The following HOMER1 variants were observed in gnomAD, a reference collection of about 807,000 sequenced individuals.
The protein encoded by HOMER1 is homer protein homolog 1.
A neutral mutation model predicts 48.9 loss-of-function variants in HOMER1; 3 were observed. That is an observed-to-expected ratio of 0.06 (90% CI 0.03 to 0.16). HOMER1 has a LOEUF of 0.16. Ranked by LOEUF, HOMER1 falls within the 10% of genes least tolerant of loss-of-function variation. The probability of loss-of-function intolerance (pLI) is 1.00; values close to 1 mark genes in which losing one functional copy is unlikely to be tolerated. For synonymous variants in HOMER1, 134 were observed against 146.4 expected, an observed-to-expected ratio of 0.92 and a Z score of 0.61; for missense variants, 247 against 411.4, an observed-to-expected ratio of 0.60 and a Z score of 3.46.
intron 3 of HOMER1, among the ~76,000 whole-genome samples, chr5:79,448,221 TACA>T (rs1750935507): frequency 6.6e-6 from 1 of 152,164 alleles, no homozygotes; most frequent in Non-Finnish European, 1.5e-5. Flanking sequence ...CTCCAAACAG[TACA>T]ACATCTGAAT....
intron 8 of HOMER1, among the ~76,000 whole-genome samples, chr5:79,384,693 A>G (rs1749065097): frequency 6.6e-6 from 1 of 152,204 alleles, no homozygotes; most frequent in South Asian, 2.1e-4. Context: ...AGATACAACA[A>G]AAAAAGAAAA....
At chr5:79,406,707 G>T (rs1749671191) in intron 5 of HOMER1, among the ~76,000 whole-genome samples, 2 of 152,192 alleles carry the variant, frequency 1.3e-5, no homozygotes, top group Admixed American at 1.3e-4. Flanking sequence ...TGTTATGGCT[G>T]GGGGCAAAGA....
chr5:79,502,892 G>A (rs1022999162), intron 1 of HOMER1, among the ~76,000 whole-genome samples: 7 of 152,138 alleles, frequency 4.6e-5, no homozygotes, highest in Admixed American at 1.3e-4. Flanking sequence ...CAGGGTTCAC[G>A]CCATTCTCCT....
chr5:79,506,857 T>A (rs201219489), intron 1 of HOMER1, among the ~76,000 whole-genome samples: 18,772 of 92,038 alleles, frequency 0.2, 1,303 homozygotes, highest in African/African-American at 0.37. Context: ...AACAAAAAAA[T>A]ATATATATAT....
At chr5:79,508,000 C>G (rs538764487) in intron 1 of HOMER1, among the ~76,000 whole-genome samples, 2 of 152,344 alleles carry the variant, frequency 1.3e-5, no homozygotes, top group East Asian at 3.9e-4. Flanking sequence ...CTCCCCTCCC[C>G]ACTTCGGAAC....
In HOMER1 at chr5:79,402,013, G is replaced by A; in HGVS notation, c.570C>T (p.Leu190=). ...SKHWEAELAT[L]KGNNAKLTAA... is the part of the protein sequence containing the mutation. ...CAGTGAGTTTGGCATTATTTCCTTT[G>A]AGGGTAGCCAGTTCAGCCTCCCAAT... The change falls in exon 6 of 9, where the codon CTC becomes CTT. Residue 190 remains leucine (L), a synonymous_variant. Coordinates refer to ENST00000334082, the MANE Select transcript of HOMER1 (RefSeq NM_004272.5). The A allele has an allele frequency of 1.9e-6, 3 of 1,613,918 alleles. No individual in the cohort carries two copies. The highest frequency in any genetic ancestry group is 8.5e-7 in the Non-Finnish European group (1 of 1,179,992).
Position 79,513,926 on chromosome 5 carries a change from G to GCGCCGCCTCACATTCCCCGGGCCCCGC in HOMER1, c.-1179_-1153dup, listed in dbSNP as rs961132145. The stretch of plus-strand genomic sequence containing the variant: ...CTCTCACGCTCCGCGCCGCCGCCAC[G>GCGCCGCCTCACATTCCCCGGGCCCCGC]CGCCGCCTCACATTCCCCGGGCCCC... On this transcript the variant is annotated 5_prime_UTR_variant, in exon 1 of 9. In the 5' UTR this introduces an upstream ATG that the reference lacks. Coordinates refer to ENST00000334082, the MANE Select transcript of HOMER1 (RefSeq NM_004272.5). 1.9e-5 allele frequency: 3 copies of GCGCCGCCTCACATTCCCCGGGCCCCGC among 155,420 alleles called. No homozygotes were observed. The highest frequency in any genetic ancestry group is 7.3e-5 in the African/African-American group (3 of 41,320). The allele number at this position is 155,420 out of a possible 1,614,324, so 9.6% of individuals were successfully genotyped here.
chr5:79,471,569 A>G (rs910899705), intron 1 of HOMER1, among the ~76,000 whole-genome samples: 4 of 151,494 alleles, frequency 2.6e-5, no homozygotes, highest in African/African-American at 7.3e-5. Flanking sequence ...AAAAAAAAAA[A>G]AAAAGAAAGA....
In HOMER1 at chr5:79,472,229, T is replaced by C. The variant is rs147556615; in HGVS notation, c.6-15211A>G. On this transcript the variant is annotated intron_variant, in intron 1 of 8. Coordinates refer to ENST00000334082, the MANE Select transcript of HOMER1 (RefSeq NM_004272.5). ...TATACACCAAAATGTTTAGAGTTCTTGATGGTGGAATTACAAGTGACTTAT... is the reference window on the plus strand; with the variant it reads ...TATACACCAAAATGTTTAGAGTTCTCGATGGTGGAATTACAAGTGACTTAT... Among the ~76,000 whole-genome samples, 210 of 152,310 alleles carry C rather than the reference T, an allele frequency of 1.4e-3. 1 individual carries two copies. Among genetic ancestry groups the C allele is most frequent in the African/African-American group, 4.6e-3 (191 of 41,586 alleles).
intron 1 of HOMER1, among the ~76,000 whole-genome samples, chr5:79,497,082 GGAAA>G (rs1188649365): frequency 1.5e-4 from 18 of 123,878 alleles, no homozygotes; most frequent in South Asian, 1.4e-3. Flanking sequence ...AAAAAAAAAA[GGAAA>G]GAAAGAAAGA....
chr5:79,447,455 T>C (rs967939666), intron 3 of HOMER1, among the ~76,000 whole-genome samples: 5 of 152,108 alleles, frequency 3.3e-5, no homozygotes, highest in Admixed American at 2.0e-4. Flanking sequence ...GAGACCAAGG[T>C]AGGGGAAAGA....
At chr5:79,474,217 T>C (rs1262330223) in intron 1 of HOMER1, among the ~76,000 whole-genome samples, 1 of 142,132 alleles carries the variant, frequency 7.0e-6, no homozygotes, top group African/African-American at 2.7e-5. Flanking sequence ...TTTTTTTTTT[T>C]TTTTTTTTTT....
rs536365020 is a variant in HOMER1, at chr5:79,498,228, C to G, written c.5+14542G>C. Among the ~76,000 whole-genome samples the G allele has an allele frequency of 5.9e-5, 9 of 152,182 alleles. No homozygotes were observed. The South Asian group carries it at 1.7e-3, about 28-fold the overall frequency. ...CCAGCCTGACCAACATGGAGAAACCCGTCTCTACTAAAAACACAAAATTAG... is the reference window on the plus strand; with the variant it reads ...CCAGCCTGACCAACATGGAGAAACCGGTCTCTACTAAAAACACAAAATTAG... On this transcript the variant is annotated intron_variant, in intron 1 of 8. Coordinates refer to ENST00000334082, the MANE Select transcript of HOMER1 (RefSeq NM_004272.5).
chr5:79,440,963 G>A (rs1159107116), intron 4 of HOMER1, among the ~76,000 whole-genome samples: 4 of 152,106 alleles, frequency 2.6e-5, no homozygotes, highest in African/African-American at 9.7e-5. Context: ...TTCAAGACCA[G>A]CCTGGCTGAC....
At chr5:79,394,389 A>G (rs948717904) in intron 8 of HOMER1, among the ~76,000 whole-genome samples, 39 of 152,024 alleles carry the variant, frequency 2.6e-4, no homozygotes, top group Non-Finnish European at 5.9e-5. Context: ...TGGAAAAAAT[A>G]TGTTATTTTC....
At chr5:79,467,480 A>G (rs2112318912) in intron 1 of HOMER1, among the ~76,000 whole-genome samples, 1 of 151,972 alleles carries the variant, frequency 6.6e-6, no homozygotes, top group Middle Eastern at 3.4e-3. Flanking sequence ...ATAATACTCT[A>G]AGGTACACTT....
intron 5 of HOMER1, among the ~76,000 whole-genome samples, chr5:79,421,678 T>G (rs1182856903): frequency 1.3e-5 from 2 of 151,794 alleles, no homozygotes; most frequent in African/African-American, 4.8e-5. Context: ...CAATCTTGGC[T>G]CACTGCAACC....
At chr5:79,503,221 G>A (rs989083351) in intron 1 of HOMER1, among the ~76,000 whole-genome samples, 1 of 151,890 alleles carries the variant, frequency 6.6e-6, no homozygotes, top group Non-Finnish European at 1.5e-5. Context: ...GTAAACTAGG[G>A]AAAAATAAAA....
chr5:79,456,616 C>T (rs1455254067), intron 2 of HOMER1, among the ~76,000 whole-genome samples: 1 of 152,104 alleles, frequency 6.6e-6, no homozygotes, highest in East Asian at 1.9e-4. Flanking sequence ...ATGCAATGAA[C>T]ATTAAATAAA....
Sources: allele counts gnomAD v4.1 joint callset (sites outside exome capture counted in the v4.1 genomes callset), GRCh38; gene constraint gnomAD v4.1.1; transcripts MANE v1.5; gene names NCBI Gene and HGNC (gene_info 2026-07-23, HGNC 2026-07-21).